The following LHFPL3 variants were observed in gnomAD, a reference collection of about 807,000 sequenced individuals.
LHFPL3 encodes the protein LHFPL tetraspan subfamily member 3, also known as LHFPL tetraspan subfamily member 3 protein.
In LHFPL3, 5 loss-of-function variants were observed where a neutral mutation model predicts 19.3. The observed-to-expected ratio is 0.26, with a 90% CI of 0.14 to 0.54. LHFPL3 has a LOEUF of 0.54. Ranked by LOEUF, LHFPL3 falls within the 20% of genes least tolerant of loss-of-function variation. LHFPL3 has a pLI of 0.94. For synonymous variants in LHFPL3, 133 were observed against 126.2 expected, an observed-to-expected ratio of 1.05 and a Z score of -0.36; for missense variants, 249 against 307.4, an observed-to-expected ratio of 0.81 and a Z score of 1.42.
intron 1 of LHFPL3, among the ~76,000 whole-genome samples, chr7:104,609,556 G>T (rs982003197): frequency 3.9e-5 from 6 of 152,144 alleles, no homozygotes; most frequent in Non-Finnish European, 8.8e-5. Flanking sequence ...CACCAGTAAT[G>T]AAAATGGTGC....
chr7:104,868,967 A>T (rs1374653384), intron 2 of LHFPL3, among the ~76,000 whole-genome samples: 1 of 152,184 alleles, frequency 6.6e-6, no homozygotes, highest in Non-Finnish European at 1.5e-5. Flanking sequence ...CAAAAACAAG[A>T]AATGGGGAAA....
chr7:104,536,773 A>C (rs1406126907), intron 1 of LHFPL3, among the ~76,000 whole-genome samples: 1 of 152,138 alleles, frequency 6.6e-6, no homozygotes, highest in Non-Finnish European at 1.5e-5. Context: ...AATGGTAAAA[A>C]ATTAAGCTTG....
intron 1 of LHFPL3, among the ~76,000 whole-genome samples, chr7:104,392,118 G>A (rs1433186845): frequency 8.5e-5 from 13 of 152,088 alleles, no homozygotes; most frequent in East Asian, 3.9e-4. Context: ...ATTTACAGTC[G>A]TGTCATCTGC....
chr7:104,754,676 CT>C (rs1794249485), intron 2 of LHFPL3, among the ~76,000 whole-genome samples: 1 of 152,138 alleles, frequency 6.6e-6, no homozygotes, highest in Non-Finnish European at 1.5e-5. Flanking sequence ...CGAAAGAACC[CT>C]GGCCTCATGA....
In LHFPL3 at chr7:104,409,304, CTGTGTGTG is replaced by C. The variant is rs59285167; in HGVS notation, c.445+80110_445+80117del. Among the ~76,000 whole-genome samples the C allele has an allele frequency of 6.5e-3, 966 of 148,898 alleles. 12 individuals carry two copies. The highest frequency in any genetic ancestry group is 0.021 in the African/African-American group (847 of 40,530). Reference sequence around the variant, plus strand: ...ATTGCTAAAAACTTACTTATGTGTGCTGTGTGTGTGTGTGTGTGTGTGTGTGTGTGTGT... The same window carrying C: ...ATTGCTAAAAACTTACTTATGTGTGCTGTGTGTGTGTGTGTGTGTGTGTGT... On this transcript the variant is annotated intron_variant, in intron 1 of 2. Transcript: ENST00000424859.
At chr7:104,723,773 A>G (rs1793534310) in intron 1 of LHFPL3, among the ~76,000 whole-genome samples, 1 of 151,600 alleles carries the variant, frequency 6.6e-6, no homozygotes, top group East Asian at 1.9e-4. Context: ...ATATACTTCC[A>G]AAAAACCTGC....
chr7:104,701,399 C>A (rs901667132), intron 1 of LHFPL3, among the ~76,000 whole-genome samples: 4 of 151,862 alleles, frequency 2.6e-5, no homozygotes, highest in East Asian at 1.9e-4. Flanking sequence ...TGGCCAGAAG[C>A]CTTAACACAT....
At chr7:104,801,431 C>A (rs910229127) in intron 2 of LHFPL3, among the ~76,000 whole-genome samples, 3 of 152,116 alleles carry the variant, frequency 2.0e-5, no homozygotes, top group Non-Finnish European at 4.4e-5. Context: ...AAGAAAAGAC[C>A]CTGAAAGCCT....
chr7:104,838,460 C>T (rs1256182677), intron 2 of LHFPL3, among the ~76,000 whole-genome samples: 1 of 152,218 alleles, frequency 6.6e-6, no homozygotes, highest in Non-Finnish European at 1.5e-5. Flanking sequence ...CTGTATGTGG[C>T]TGACTTGAGT....
intron 1 of LHFPL3, among the ~76,000 whole-genome samples, chr7:104,627,398 A>G (rs1037611232): frequency 2.0e-5 from 3 of 152,178 alleles, no homozygotes; most frequent in African/African-American, 7.2e-5. Flanking sequence ...GGTTGATTCT[A>G]TACCTTGGCT....
At chr7:104,338,093 C>CTTTTTTTTTTTTTTTTT (rs71296520) in intron 1 of LHFPL3, among the ~76,000 whole-genome samples, 1 of 85,846 alleles carries the variant, frequency 1.2e-5, no homozygotes, top group African/African-American at 4.7e-5. Context: ...TTTCCTTTTT[C>CTTTTTTTTTTTTTTTTT]TTTTTTTTTT....
chr7:104,899,312 G>C (rs1792436303), intron 2 of LHFPL3, among the ~76,000 whole-genome samples: 1 of 152,068 alleles, frequency 6.6e-6, no homozygotes, highest in South Asian at 2.1e-4. Context: ...TGTTGAATTA[G>C]GGTTGAAAGC....
chr7:104,653,203 C>A (rs1381840544), intron 1 of LHFPL3, among the ~76,000 whole-genome samples: 1 of 152,196 alleles, frequency 6.6e-6, no homozygotes, highest in African/African-American at 2.4e-5. Context: ...TGAGAGTCTG[C>A]AGTCCTTAGA....
At chr7:104,664,896 C>A (rs1303816477) in intron 1 of LHFPL3, among the ~76,000 whole-genome samples, 2 of 151,926 alleles carry the variant, frequency 1.3e-5, no homozygotes, top group Admixed American at 6.6e-5. Flanking sequence ...TAGTCCCTGG[C>A]TGGACACAAC....
chr7:104,759,075 T>G (rs1794332874), intron 2 of LHFPL3, among the ~76,000 whole-genome samples: 1 of 152,226 alleles, frequency 6.6e-6, no homozygotes, highest in African/African-American at 2.4e-5. Flanking sequence ...AATAGACATC[T>G]GAGAGAACTG....
chr7:104,726,330 G>T (rs542232867), intron 1 of LHFPL3, among the ~76,000 whole-genome samples: 1 of 116,018 alleles, frequency 8.6e-6, no homozygotes, highest in South Asian at 3.9e-4. Context: ...ATGGACCAAA[G>T]ACTATTTTTT....
At chr7:104,515,926 A>G (rs912573643) in intron 1 of LHFPL3, among the ~76,000 whole-genome samples, 3 of 151,702 alleles carry the variant, frequency 2.0e-5, no homozygotes, top group African/African-American at 4.8e-5. Flanking sequence ...AACTGTTCCA[A>G]CCTCTTCCTG....
At chr7:104,515,042 T>G (rs1054391458) in intron 1 of LHFPL3, among the ~76,000 whole-genome samples, 4 of 152,186 alleles carry the variant, frequency 2.6e-5, no homozygotes, top group African/African-American at 9.6e-5. Context: ...CTTCTTTCAC[T>G]TTTAACAGTA....
intron 2 of LHFPL3, among the ~76,000 whole-genome samples, chr7:104,806,060 C>T (rs756603242): frequency 2.6e-5 from 4 of 152,132 alleles, no homozygotes; most frequent in Admixed American, 6.5e-5. Context: ...TTAGTGCGTA[C>T]GACTGACAAT....
Sources: gnomAD v4.1 joint callset for allele counts (sites outside exome capture counted in the v4.1 genomes callset) on GRCh38, gnomAD v4.1.1 for gene constraint, MANE v1.5 for transcripts, NCBI Gene and HGNC (gene_info 2026-07-23, HGNC 2026-07-21) for gene names.